Variants in EFHB observed in about 807,000 individuals in gnomAD.
The protein encoded by EFHB is EF-hand domain family member B, also known as EF-hand domain-containing family member B.
A neutral mutation model predicts 87.2 loss-of-function variants in EFHB; 91 were observed. The observed-to-expected ratio is 1.04, with a 90% CI of 0.88 to 1.24. The LOEUF is 1.24. Among genes scored for constraint, EFHB ranks in the 50% most tolerant of loss-of-function variants. The probability of loss-of-function intolerance (pLI) is 0.00; values close to 1 mark genes in which losing one functional copy is unlikely to be tolerated. For synonymous variants in EFHB, 325 were observed against 333.6 expected (o/e 0.97, Z 0.28); for missense variants, 1,084 against 998.8 (o/e 1.09, Z -1.15).
chr3:19,910,343 G>A (rs529405703), intron 5 of EFHB, among the ~76,000 whole-genome samples: 1 of 152,212 alleles, frequency 6.6e-6, no homozygotes, highest in South Asian at 2.1e-4. Flanking sequence ...GGTGGCGGTG[G>A]CTACCCAGTG....
chr3:19,945,892 G>C (rs751663429), intron 1 of EFHB: 1 of 152,134 alleles, frequency 6.6e-6, no homozygotes, highest in Non-Finnish European at 1.5e-5. Flanking sequence ...CAATATTCTC[G>C]CCCTTACAAC....
At chr3:19,917,280 G>C (rs899794373) in intron 4 of EFHB, among the ~76,000 whole-genome samples, 13 of 150,872 alleles carry the variant, frequency 8.6e-5, no homozygotes, top group African/African-American at 3.2e-4. Flanking sequence ...AAAAAGGAAA[G>C]GATATTTAAT....
chr3:19,921,240 C>T (rs1048749253), intron 1 of EFHB, among the ~76,000 whole-genome samples: 8 of 151,726 alleles, frequency 5.3e-5, no homozygotes, highest in South Asian at 4.2e-4. Flanking sequence ...TGAATACATA[C>T]GGGTAGGTGA....
chr3:19,915,892 T>C (rs1695213287), intron 4 of EFHB, among the ~76,000 whole-genome samples: 1 of 151,990 alleles, frequency 6.6e-6, no homozygotes, highest in Non-Finnish European at 1.5e-5. Context: ...GCAGAAGAAT[T>C]ACTTGAATCC....
At chr3:19,900,285 CAAAT>C (rs1052387541) in intron 6 of EFHB, among the ~76,000 whole-genome samples, 9 of 151,344 alleles carry the variant, frequency 5.9e-5, no homozygotes, top group South Asian at 4.2e-4. Flanking sequence ...AATTTAGCAT[CAAAT>C]AAATAAATAG....
At chr3:19,943,167 C>A in intron 1 of EFHB, 1 of 252,852 alleles carries the variant, frequency 4.0e-6, no homozygotes, top group Non-Finnish European at 8.5e-6. Flanking sequence ...CATCACTGAG[C>A]AATTGTTCAG....
chr3:19,935,122 G>A (rs1695980767), upstream of EFHB, among the ~76,000 whole-genome samples: 1 of 152,126 alleles, frequency 6.6e-6, no homozygotes, highest in African/African-American at 2.4e-5. Context: ...TGTTGGCCAG[G>A]CTGGTCTCAA....
intron 1 of EFHB, among the ~76,000 whole-genome samples, chr3:19,939,223 CT>C (rs1696092464): frequency 6.6e-6 from 1 of 151,984 alleles, no homozygotes; most frequent in Admixed American, 6.6e-5. Flanking sequence ...TGACTTTCTG[CT>C]TTTGCCCCTG....
chr3:19,938,089 A>G (rs1243047479), upstream of EFHB, among the ~76,000 whole-genome samples: 1 of 152,186 alleles, frequency 6.6e-6, no homozygotes, highest in Admixed American at 6.5e-5. Flanking sequence ...ACCTGCCTCC[A>G]TGCCTTTGCT....
At chr3:19,929,631 C>T (rs1040927182) in intron 1 of EFHB, among the ~76,000 whole-genome samples, 14 of 150,150 alleles carry the variant, frequency 9.3e-5, no homozygotes, top group Middle Eastern at 6.8e-3. Flanking sequence ...ATTGCTTGAA[C>T]CCAGGAGGCG....
chr3:19,908,581 AGAGAGAGAGAGAGAGAG>A (rs1559459575), intron 5 of EFHB, among the ~76,000 whole-genome samples: 52 of 122,712 alleles, frequency 4.2e-4, no homozygotes, highest in African/African-American at 1.7e-3. Flanking sequence ...AGAGAGAGAG[AGAGAGAGAGAGAGAGAG>A]AGAAAGAAAG....
In EFHB at chr3:19,882,726, G is replaced by A; in HGVS notation, c.2152C>T (p.Pro718Ser). 1 of 1,610,454 alleles carries A rather than the reference G, an allele frequency of 6.2e-7. No homozygotes were observed. The highest frequency in any genetic ancestry group is 8.5e-7 in the Non-Finnish European group (1 of 1,177,888). Reference protein sequence around the residue: ...IVGAIPSTCYPICGVPTIRSD... With the variant: ...IVGAIPSTCYSICGVPTIRSD... Reference sequence around the variant, plus strand: ...CGAATGGTTGGAACACCACAAATGGGGTAACCTAGGTCATTGATGAGGGAA... The same window carrying A: ...CGAATGGTTGGAACACCACAAATGGAGTAACCTAGGTCATTGATGAGGGAA... The change falls in exon 12 of 13, where the codon CCC (proline) becomes TCC (serine). Residue 718 changes from proline (P) to serine (S), a missense_variant. Pro to Ser is a moderately conservative substitution (Grantham distance 74, BLOSUM62 -1). Coordinates refer to ENST00000295824, the MANE Select transcript of EFHB (RefSeq NM_144715.4).
rs1382919450 is a variant in EFHB, at chr3:19,905,627, G to A, written c.1411C>T (p.Leu471=). Residue 471 remains leucine (L), a synonymous_variant, in exon 6 of 13, where the codon CTA becomes TTA. Transcript: ENST00000295824. ...CAGTATAATTAAACTTACATTTGTAGTTCATGGAGCCAATATAGAGATTTT... is the reference window on the plus strand; with the variant it reads ...CAGTATAATTAAACTTACATTTGTAATTCATGGAGCCAATATAGAGATTTT... ...MAKSLYWLHE[L]QMKRGAKFVS... 6.2e-7 allele frequency: 1 copy of A among 1,613,076 alleles called. No individual in the cohort carries two copies. Among genetic ancestry groups the A allele is most frequent in the Non-Finnish European group, 8.5e-7 (1 of 1,179,340 alleles).
chr3:19,923,452 A>G (rs1695508517), intron 1 of EFHB, among the ~76,000 whole-genome samples: 1 of 152,096 alleles, frequency 6.6e-6, no homozygotes, highest in Non-Finnish European at 1.5e-5. Flanking sequence ...CTGCCTTTCA[A>G]CCTCAGCTCA....
chr3:19,918,991 A>T (rs1695338820), intron 3 of EFHB, among the ~76,000 whole-genome samples: 1 of 151,630 alleles, frequency 6.6e-6, no homozygotes, highest in African/African-American at 2.4e-5. Context: ...AAAAAAAAAA[A>T]AAAAAAAGAA....
At chr3:19,889,700 T>G (rs1188764965) in intron 9 of EFHB, among the ~76,000 whole-genome samples, 1 of 152,190 alleles carries the variant, frequency 6.6e-6, no homozygotes, top group African/African-American at 2.4e-5. Context: ...ACAATACAGC[T>G]GCAAATGCCC....
chr3:19,901,979 C>T (rs1694687358), intron 6 of EFHB, among the ~76,000 whole-genome samples: 1 of 151,186 alleles, frequency 6.6e-6, no homozygotes, highest in South Asian at 2.1e-4. Flanking sequence ...CTCCAAGGTA[C>T]ATAATTAGGA....
chr3:19,928,163 AGG>A (rs1411931967), intron 1 of EFHB, among the ~76,000 whole-genome samples: 1 of 151,970 alleles, frequency 6.6e-6, no homozygotes, highest in Non-Finnish European at 1.5e-5. Context: ...AGTCAAATCC[AGG>A]GATATATTAT....
chr3:19,924,087 A>C (rs1259671965), intron 1 of EFHB, among the ~76,000 whole-genome samples: 1 of 152,146 alleles, frequency 6.6e-6, no homozygotes, highest in Non-Finnish European at 1.5e-5. Context: ...AATAATAACT[A>C]GTGATGATTC....
Sources: allele counts gnomAD v4.1 joint callset (sites outside exome capture counted in the v4.1 genomes callset), GRCh38; gene constraint gnomAD v4.1.1; transcripts MANE v1.5; gene names NCBI Gene and HGNC (gene_info 2026-07-23, HGNC 2026-07-21).